GSG1L: variants seen among roughly 807,000 people sequenced by gnomAD.
The protein encoded by GSG1L is germ cell-specific gene 1-like protein.
Under a neutral mutation model 42.1 loss-of-function variants are expected in GSG1L, and 24 were observed. The observed-to-expected ratio is 0.57, with a 90% CI of 0.41 to 0.80. GSG1L has a LOEUF of 0.80. GSG1L is among the 30% of genes least tolerant of loss of function. The pLI, the probability that GSG1L is intolerant of heterozygous loss-of-function variation, is 0.00. For synonymous variants in GSG1L, 215 were observed against 203.5 expected (o/e 1.06, Z -0.48); for missense variants, 445 against 472.2 (o/e 0.94, Z 0.53).
At chr16:27,940,724 G>A (rs1457497525) in intron 2 of GSG1L, among the ~76,000 whole-genome samples, 1 of 134,464 alleles carries the variant, frequency 7.4e-6, no homozygotes, top group East Asian at 2.1e-4. Context: ...GAGTGGGGAG[G>A]GATAGCATTA....
intron 5 of GSG1L, 101 bp downstream of exon 5, chr16:27,828,688 C>T: frequency 8.9e-7 from 1 of 1,129,476 alleles, no homozygotes. Context: ...CTCTGTCATA[C>T]CATTCATTCC....
intron 3 of GSG1L, among the ~76,000 whole-genome samples, chr16:27,871,172 T>C (rs904124866): frequency 2.0e-5 from 3 of 152,102 alleles, no homozygotes; most frequent in Non-Finnish European, 4.4e-5. Context: ...TTCCGAGTTG[T>C]CGTGACTTGG....
At chr16:28,061,012 C>T (rs1258866285) in intron 1 of GSG1L, among the ~76,000 whole-genome samples, 1 of 152,204 alleles carries the variant, frequency 6.6e-6, no homozygotes. Context: ...AGCTGAGCAG[C>T]TTGGACCAGG....
chr16:27,797,549 G>A (rs1217261276), intron 6 of GSG1L, among the ~76,000 whole-genome samples: 3 of 146,804 alleles, frequency 2.0e-5, no homozygotes, highest in Admixed American at 6.8e-5. Flanking sequence ...AGGGCCGGGC[G>A]CGGTGGCTCA....
intron 3 of GSG1L, among the ~76,000 whole-genome samples, chr16:27,872,715 T>G (rs1179868737): frequency 6.6e-6 from 1 of 152,118 alleles, no homozygotes; most frequent in Admixed American, 6.5e-5. Flanking sequence ...TACTGCTCAT[T>G]ATATGCTAAT....
intron 1 of GSG1L, among the ~76,000 whole-genome samples, chr16:28,051,245 T>C (rs950306723): frequency 6.6e-6 from 1 of 152,144 alleles, no homozygotes; most frequent in Non-Finnish European, 1.5e-5. Context: ...GTCAGAAAAC[T>C]GAAGGTCAAG....
chr16:27,847,396 G>C (rs754050265), intron 3 of GSG1L, among the ~76,000 whole-genome samples: 53 of 152,216 alleles, frequency 3.5e-4, no homozygotes, highest in Non-Finnish European at 3.4e-4. Context: ...AGAACTTAGA[G>C]CAGGAAGAGC....
At chr16:27,888,505 TTC>T (rs2084075518) in intron 2 of GSG1L, among the ~76,000 whole-genome samples, 2 of 11,508 alleles carry the variant, frequency 1.7e-4, no homozygotes, top group Admixed American at 1.3e-3. Context: ...CTTTCTTTCT[TTC>T]TTTCTTTCTT....
intron 6 of GSG1L, among the ~76,000 whole-genome samples, chr16:27,806,276 C>T (rs150130369): frequency 3.6e-4 from 55 of 152,294 alleles, no homozygotes; most frequent in African/African-American, 1.3e-3. Context: ...CTCCTCTTCT[C>T]CAACAAGGCC....
chr16:27,812,491 T>C (rs1472997108), intron 5 of GSG1L, among the ~76,000 whole-genome samples: 1 of 152,118 alleles, frequency 6.6e-6, no homozygotes, highest in African/African-American at 2.4e-5. Flanking sequence ...TGGAAACAAA[T>C]GGGTGTGGAC....
chr16:27,894,264 A>G (rs965153938), intron 2 of GSG1L, among the ~76,000 whole-genome samples: 1 of 152,254 alleles, frequency 6.6e-6, no homozygotes, highest in African/African-American at 2.4e-5. Flanking sequence ...GTAAGTGCTT[A>G]GGACAACACC....
intron 1 of GSG1L, among the ~76,000 whole-genome samples, chr16:27,979,661 A>AAGAAAGAAAGAGAGAG (rs368394279): frequency 1.5e-5 from 1 of 67,718 alleles, no homozygotes; most frequent in African/African-American, 6.4e-5. Flanking sequence ...GAAAGAAAGA[A>AAGAAAGAAAGAGAGAG]AGAGAGAGAG....
chr16:27,887,839 C>T (rs889985332), intron 2 of GSG1L, among the ~76,000 whole-genome samples: 1 of 151,876 alleles, frequency 6.6e-6, no homozygotes, highest in Non-Finnish European at 1.5e-5. Context: ...TATCACATCT[C>T]CTGGGCAATT....
At chr16:27,817,699 A>G (rs8059202) in intron 5 of GSG1L, among the ~76,000 whole-genome samples, 47,864 of 152,012 alleles carry the variant, frequency 0.31, 8,317 homozygotes, top group Admixed American at 0.44. Context: ...ATTTTTTCAT[A>G]AAAAATGAAA....
chr16:27,918,710 T>C (rs1596612923), intron 2 of GSG1L, among the ~76,000 whole-genome samples: 2 of 148,600 alleles, frequency 1.3e-5, no homozygotes, highest in East Asian at 1.9e-4. Flanking sequence ...ATAAAGAAGA[T>C]GGTTTGAGGA....
chr16:27,929,385 G>C (rs2084631622), intron 2 of GSG1L, among the ~76,000 whole-genome samples: 1 of 152,160 alleles, frequency 6.6e-6, no homozygotes, highest in Non-Finnish European at 1.5e-5. Flanking sequence ...TAAAGACAGT[G>C]GTTGATTCAA....
Position 28,063,471 on chromosome 16 carries a change from G to A in GSG1L, c.-47C>T. ...GGACTGCACCGCCGGGGAGCTCCGC[G>A]CGCGAAGTTGGCAGCTGGCGCCCCG... is the stretch of plus-strand genomic sequence containing the variant. On this transcript the variant is annotated 5_prime_UTR_variant, in exon 1 of 7. Coordinates refer to ENST00000447459, the MANE Select transcript of GSG1L (RefSeq NM_001109763.2). This position sits in a 1 kb window ranked among gnomAD's most constrained non-coding sequence, Gnocchi z 5.8. The A allele has an allele frequency of 2.7e-6, 3 of 1,122,586 alleles. No homozygotes were observed. The highest frequency in any genetic ancestry group is 3.3e-6 in the Non-Finnish European group (3 of 913,686). The allele number at this position is 1,122,586 out of a possible 1,614,324, so 69.5% of individuals were successfully genotyped here. A position where few individuals can be genotyped will look rare whatever the true frequency, so the allele number is the denominator to read the frequency against.
chr16:27,962,827 C>CCCAA (rs1338567639), intron 2 of GSG1L, among the ~76,000 whole-genome samples: 1 of 152,178 alleles, frequency 6.6e-6, no homozygotes, highest in Non-Finnish European at 1.5e-5. Context: ...GGAGGCAAAC[C>CCCAA]CCAACACCAG....
At chr16:27,948,563 G>T (rs1260018579) in intron 2 of GSG1L, among the ~76,000 whole-genome samples, 2 of 148,076 alleles carry the variant, frequency 1.4e-5, no homozygotes, top group African/African-American at 2.5e-5. Flanking sequence ...TAGTAGAGAC[G>T]TGATTCCACC....
Sources: gnomAD v4.1 joint callset for allele counts (sites outside exome capture counted in the v4.1 genomes callset) on GRCh38, gnomAD v4.1.1 for gene constraint, Gnocchi (gnomAD v3.1) non-coding constraint, MANE v1.5 for transcripts, NCBI Gene and HGNC (gene_info 2026-07-23, HGNC 2026-07-21) for gene names.